The following NTM variants were observed in gnomAD, a reference collection of about 807,000 sequenced individuals.
NTM encodes the protein IgLON family member 2.
Under a neutral mutation model 42.1 loss-of-function variants are expected in NTM, and 13 were observed. That is an observed-to-expected ratio of 0.31 (90% CI 0.20 to 0.49). The LOEUF (loss-of-function observed/expected upper bound fraction) is 0.49, where lower values mean the gene tolerates loss of function less well. Ranked by LOEUF, NTM falls within the 20% of genes least tolerant of loss-of-function variation. The pLI is 0.99. For synonymous variants in NTM, 187 were observed against 179.2 expected, an observed-to-expected ratio of 1.04 and a Z score of -0.35; for missense variants, 373 against 452.8, an observed-to-expected ratio of 0.82 and a Z score of 1.60.
chr11:131,509,522 G>T (rs1391041512), intron 1 of NTM, among the ~76,000 whole-genome samples: 1 of 152,220 alleles, frequency 6.6e-6, no homozygotes, highest in Non-Finnish European at 1.5e-5. Flanking sequence ...TAAGCAAGCA[G>T]TTGCTGAGTG....
At chr11:131,820,559 C>T (rs1250602734) in intron 1 of NTM, among the ~76,000 whole-genome samples, 2 of 152,070 alleles carry the variant, frequency 1.3e-5, no homozygotes, top group African/African-American at 4.8e-5. Flanking sequence ...TAAATGGGGC[C>T]AAGGCCACCT....
intron 2 of NTM, among the ~76,000 whole-genome samples, chr11:132,044,158 GTGTGTGCT>G (rs1205650583): frequency 6.5e-4 from 85 of 130,336 alleles, no homozygotes; most frequent in African/African-American, 1.2e-3. Flanking sequence ...GTGTGTGTGT[GTGTGTGCT>G]TATGTGCATG....
At chr11:132,137,985 C>T (rs1398771741) in intron 2 of NTM, among the ~76,000 whole-genome samples, 2 of 152,180 alleles carry the variant, frequency 1.3e-5, no homozygotes, top group Non-Finnish European at 2.9e-5. Flanking sequence ...TCCCCGTTTC[C>T]ATCCTTCCAC....
rs1276351875 is a variant in NTM, at chr11:132,002,153, A to C, written c.167+90505A>C. ...CCTGAAGAGGGTGGAGGCTCTTCAA[A>C]TGTCCGATTAAAGGTATTGGACTTT... is the stretch of plus-strand genomic sequence containing the variant. On this transcript the variant is annotated intron_variant, in intron 2 of 8. Coordinates refer to ENST00000683400, the MANE Select transcript of NTM (RefSeq NM_001352005.2). The surrounding 1 kb of genome is among the most constrained non-coding windows in gnomAD (Gnocchi z 4.5). 6.6e-6 allele frequency among the ~76,000 whole-genome samples: 1 copy of C among 152,326 alleles called. No homozygotes were observed. The highest frequency in any genetic ancestry group is 2.1e-4 in the South Asian group (1 of 4,826).
At chr11:131,751,769 C>T (rs1191695276) in intron 1 of NTM, among the ~76,000 whole-genome samples, 7 of 147,460 alleles carry the variant, frequency 4.7e-5, no homozygotes, top group African/African-American at 1.8e-4. Context: ...CCCCTCACCC[C>T]CCCCCAAAAT....
intron 4 of NTM, among the ~76,000 whole-genome samples, chr11:132,250,568 T>G (rs2091825086): frequency 6.6e-6 from 1 of 151,670 alleles, no homozygotes; most frequent in Non-Finnish European, 1.5e-5. Flanking sequence ...TTGGCATTCT[T>G]CATCTCTTTG....
intron 3 of NTM, among the ~76,000 whole-genome samples, chr11:132,147,853 C>T (rs954886331): frequency 6.6e-6 from 1 of 152,140 alleles, no homozygotes; most frequent in African/African-American, 2.4e-5. Context: ...AGGAAGGCAG[C>T]TTGAGAAGGA....
rs537012814 is a variant in NTM, at chr11:131,766,395, G to C, written c.83-145169G>C. Among the ~76,000 whole-genome samples, 13 of 152,262 alleles carry C rather than the reference G, an allele frequency of 8.5e-5. No individual in the cohort carries two copies. The East Asian group carries it at 2.5e-3, about 29-fold the overall frequency. On this transcript the variant is annotated intron_variant, in intron 1 of 8. Transcript: ENST00000683400. ...CAGGACTAGGCTGTAGTCAGCCCAG[G>C]TGCAGAGGGCGATGCGACAGAATGG...
chr11:131,807,497 G>T (rs541089340), intron 1 of NTM, among the ~76,000 whole-genome samples: 404 of 152,300 alleles, frequency 2.7e-3, no homozygotes, highest in Non-Finnish European at 4.5e-3. Context: ...CAGACTGGCT[G>T]TCCCTTTGTG....
intron 1 of NTM, among the ~76,000 whole-genome samples, chr11:131,848,623 G>A (rs1356152094): frequency 2.0e-5 from 3 of 152,166 alleles, no homozygotes; most frequent in Non-Finnish European, 4.4e-5. Flanking sequence ...TAAAGTGCAT[G>A]CTCATTTCAA....
At chr11:132,129,996 G>C (rs1380348245) in intron 2 of NTM, among the ~76,000 whole-genome samples, 4 of 152,104 alleles carry the variant, frequency 2.6e-5, no homozygotes, top group Non-Finnish European at 5.9e-5. Context: ...CTTTCTCTCT[G>C]GATGTTCTTA....
At chr11:132,245,341 G>A (rs745520826) in intron 4 of NTM, among the ~76,000 whole-genome samples, 10 of 152,132 alleles carry the variant, frequency 6.6e-5, no homozygotes, top group Admixed American at 6.5e-5. Flanking sequence ...GGAGGTGAAA[G>A]GGCACAGGAA....
chr11:131,595,417 C>A (rs960694032), intron 1 of NTM, among the ~76,000 whole-genome samples: 6 of 152,212 alleles, frequency 3.9e-5, no homozygotes. Context: ...CTTATGTGTC[C>A]TCACAAGCTA....
At chr11:132,055,351 G>T (rs910504030) in intron 2 of NTM, among the ~76,000 whole-genome samples, 8 of 152,142 alleles carry the variant, frequency 5.3e-5, no homozygotes, top group Non-Finnish European at 1.2e-4. Flanking sequence ...CAGGGCTGAG[G>T]CTGGCACTTG....
At chr11:132,044,138 G>A (rs374118048) in intron 2 of NTM, among the ~76,000 whole-genome samples, 2 of 121,216 alleles carry the variant, frequency 1.6e-5, no homozygotes, top group African/African-American at 3.5e-5. Flanking sequence ...ATATGTGTGT[G>A]TGTATGTGCG....
intron 1 of NTM, among the ~76,000 whole-genome samples, chr11:131,497,250 G>A (rs4937633): frequency 0.47 from 71,686 of 151,822 alleles, 17,578 homozygotes; most frequent in South Asian, 0.64. Flanking sequence ...GTGCAGAGGT[G>A]CGATCTCGGC....
At chr11:131,906,563 C>G (rs755178928) in intron 1 of NTM, among the ~76,000 whole-genome samples, 1 of 152,158 alleles carries the variant, frequency 6.6e-6, no homozygotes, top group African/African-American at 2.4e-5. Flanking sequence ...AGGAAAGACT[C>G]TGCCCCAAAG....
intron 1 of NTM, among the ~76,000 whole-genome samples, chr11:131,397,117 G>A (rs1944648948): frequency 6.6e-6 from 1 of 152,302 alleles, no homozygotes; most frequent in Middle Eastern, 3.4e-3. Context: ...ATGCCCCAGA[G>A]TTGAGTGCTC....
intron 1 of NTM, among the ~76,000 whole-genome samples, chr11:131,601,622 T>C (rs996912200): frequency 1.3e-5 from 2 of 151,836 alleles, no homozygotes; most frequent in African/African-American, 4.8e-5. Flanking sequence ...AGGAAGCCTG[T>C]AGTTCTGATT....
Sources: gnomAD v4.1 joint callset for allele counts (sites outside exome capture counted in the v4.1 genomes callset) on GRCh38, gnomAD v4.1.1 for gene constraint, Gnocchi (gnomAD v3.1) non-coding constraint, MANE v1.5 for transcripts, NCBI Gene and HGNC (gene_info 2026-07-23, HGNC 2026-07-21) for gene names.